The following MLF1 variants were observed in gnomAD, a reference collection of about 807,000 sequenced individuals.
MLF1 encodes myeloid leukemia factor 1, also known as myelodysplasia-myeloid leukemia factor 1.
In MLF1, 37 loss-of-function variants were observed where a neutral mutation model predicts 38.3. That is an observed-to-expected ratio of 0.96 (90% confidence interval 0.74 to 1.27). The LOEUF is 1.27. Among genes scored for constraint, MLF1 ranks in the 50% most tolerant of loss-of-function variants. The probability of loss-of-function intolerance (pLI) is 0.00; values close to 1 mark genes in which losing one functional copy is unlikely to be tolerated. For missense variants in MLF1, 331 were observed against 349.2 expected, an observed-to-expected ratio of 0.95 and a Z score of 0.42; for synonymous variants, 95 against 106.5, an observed-to-expected ratio of 0.89 and a Z score of 0.66.
intron 4 of MLF1, among the ~76,000 whole-genome samples, chr3:158,597,162 A>C (rs1719001867): frequency 6.6e-6 from 1 of 152,080 alleles, no homozygotes. Context: ...GTTATTTTCT[A>C]GTCTATTTCA....
At chr3:158,603,091 G>C (rs2304408) in intron 7 of MLF1, 152 bp downstream of exon 7, 118,678 of 653,670 alleles carry the variant, frequency 0.18, 11,783 homozygotes, top group Non-Finnish European at 0.2. Flanking sequence ...TATGAAAGCT[G>C]ATTATTCCAC....
chr3:158,593,347 G>A (rs758782812), intron 2 of MLF1, 35 bp from the exon 3 acceptor site: 1 of 1,489,298 alleles, frequency 6.7e-7, no homozygotes. Context: ...TATAATAAAT[G>A]TCATAATCAA....
chr3:158,576,593 G>C (rs763853841), intron 1 of MLF1, among the ~76,000 whole-genome samples: 1 of 151,394 alleles, frequency 6.6e-6, no homozygotes, highest in African/African-American at 2.4e-5. Flanking sequence ...AGTCTACAAA[G>C]AATAATAACT....
At position 158,592,565 on chromosome 3, in the gene MLF1, GTGAAGATTCTTTGAC is replaced by G; in HGVS notation, c.182_195+1del. The G allele has an allele frequency of 6.2e-7, 1 of 1,607,178 alleles. No homozygotes were observed. Among genetic ancestry groups the G allele is most frequent in the Non-Finnish European group, 8.5e-7 (1 of 1,178,202 alleles). ...CATAATCGTAGAGGACATAATGATG[GTGAAGATTCTTTGAC>G]TGTAAGTTCTTTTTTTTAAGACAGT... On this transcript the variant is annotated inframe_deletion and splice_region_variant, in exon 2 of 8. Transcript: ENST00000466246.
intron 1 of MLF1, among the ~76,000 whole-genome samples, chr3:158,573,057 A>G (rs1341871705): frequency 6.6e-6 from 1 of 151,784 alleles, no homozygotes; most frequent in Non-Finnish European, 1.5e-5. Flanking sequence ...TTATGTTCAC[A>G]TAATTGCAAA....
intron 1 of MLF1, among the ~76,000 whole-genome samples, chr3:158,579,323 A>T (rs1715974402): frequency 6.6e-6 from 1 of 152,168 alleles, no homozygotes; most frequent in Non-Finnish European, 1.5e-5. Context: ...TCAAACTTGG[A>T]CAAGAGAAAC....
chr3:158,585,846 A>G (rs967496710), intron 1 of MLF1, among the ~76,000 whole-genome samples: 5 of 152,174 alleles, frequency 3.3e-5, no homozygotes, highest in Non-Finnish European at 7.3e-5. Context: ...AAAAGCTGAA[A>G]TGTTTTGGAA....
At chr3:158,597,995 C>T (rs572027509) in intron 4 of MLF1, 85 bp from the exon 5 acceptor site, 3 of 1,374,852 alleles carry the variant, frequency 2.2e-6, no homozygotes, top group Non-Finnish European at 3.1e-6. Flanking sequence ...GTAGAACTTA[C>T]AGCTAGTGTT....
chr3:158,584,187 C>A (rs1716849876), intron 1 of MLF1, among the ~76,000 whole-genome samples: 1 of 152,082 alleles, frequency 6.6e-6, no homozygotes, highest in Non-Finnish European at 1.5e-5. Context: ...GGAGAGAAGT[C>A]CCCAAAAGGA....
At chr3:158,590,823 A>G (rs1718008256) in intron 1 of MLF1, 1 of 451,390 alleles carries the variant, frequency 2.2e-6, no homozygotes, top group African/African-American at 2.0e-5. Context: ...TGCACTTTTT[A>G]AAATTCATCA....
intron 4 of MLF1, among the ~76,000 whole-genome samples, chr3:158,597,176 A>AT (rs1407052305): frequency 2.6e-5 from 4 of 152,112 alleles, no homozygotes; most frequent in Non-Finnish European, 5.9e-5. Flanking sequence ...TATTTCATGT[A>AT]TTAAAAATCC....
At position 158,592,535 on chromosome 3, in the gene MLF1, G is replaced by C. The variant is rs1234357717; in HGVS notation, c.149G>C (p.Arg50Thr). ...DLLSISDGRG[R>T]AHNRRGHNDG... ...CTCAGTATCTCTGATGGTAGAGGGA[G>C]AGCTCATAATCGTAGAGGACATAAT... Residue 50 changes from arginine (R) to threonine (T), a missense_variant, in exon 2 of 8, where the codon AGA becomes ACA. Physicochemically the swap from Arg to Thr is moderately conservative, Grantham distance 71. Coordinates refer to ENST00000466246, the MANE Select transcript of MLF1 (RefSeq NM_001369783.1). 1 of 1,612,366 alleles carries C rather than the reference G, an allele frequency of 6.2e-7. No individual in the cohort carries two copies. The highest frequency in any genetic ancestry group is 8.5e-7 in the Non-Finnish European group (1 of 1,179,540).
In MLF1 at chr3:158,586,975, C is replaced by T. The variant is rs1426330088; in HGVS notation, c.48-5459C>T. Among the ~76,000 whole-genome samples, 4 of 152,324 alleles carry T rather than the reference C, an allele frequency of 2.6e-5. 1 individual carries two copies. The highest frequency in any genetic ancestry group is 6.8e-3 in the Middle Eastern group (2 of 294). On this transcript the variant is annotated intron_variant, in intron 1 of 7. Transcript: ENST00000466246. ...CCTTCAAAGTTCAGGGCTCTATCCCCACTACCTGGAACCGTGCCTTTTACA... is the reference window on the plus strand; with the variant it reads ...CCTTCAAAGTTCAGGGCTCTATCCCTACTACCTGGAACCGTGCCTTTTACA...
intron 1 of MLF1, chr3:158,590,786 C>T: frequency 2.2e-6 from 1 of 456,276 alleles, no homozygotes; most frequent in Non-Finnish European, 4.4e-6. Context: ...AAATGTTCTA[C>T]ATCTTAATTA....
At chr3:158,574,227 A>T (rs536074065) in intron 1 of MLF1, among the ~76,000 whole-genome samples, 2 of 152,154 alleles carry the variant, frequency 1.3e-5, no homozygotes, top group Admixed American at 6.5e-5. Context: ...AATGATTAAA[A>T]TTTTTTTCTG....
intron 1 of MLF1, among the ~76,000 whole-genome samples, chr3:158,581,057 C>T (rs375825711): frequency 4.6e-5 from 7 of 152,126 alleles, no homozygotes; most frequent in East Asian, 3.9e-4. Context: ...AGCAGAGAAT[C>T]GAGGTCACAG....
chr3:158,591,997 C>T (rs1718220773), intron 1 of MLF1, among the ~76,000 whole-genome samples: 2 of 152,150 alleles, frequency 1.3e-5, no homozygotes, highest in Admixed American at 6.5e-5. Context: ...CATCAAAATG[C>T]ATTTAATACA....
At chr3:158,587,541 G>C (rs1390651036) in intron 1 of MLF1, among the ~76,000 whole-genome samples, 1 of 152,178 alleles carries the variant, frequency 6.6e-6, no homozygotes, top group Non-Finnish European at 1.5e-5. Context: ...TCAAAACAAT[G>C]CATTGCCATC....
At chr3:158,580,622 T>G (rs12494750) in intron 1 of MLF1, among the ~76,000 whole-genome samples, 24,110 of 151,952 alleles carry the variant, frequency 0.16, 1,993 homozygotes, top group South Asian at 0.23. Context: ...AAATTTCCTT[T>G]GCCCCTCAAG....
Sources: allele counts gnomAD v4.1 joint callset (sites outside exome capture counted in the v4.1 genomes callset), GRCh38; gene constraint gnomAD v4.1.1; transcripts MANE v1.5; gene names NCBI Gene and HGNC (gene_info 2026-07-23, HGNC 2026-07-21).